STK24: variants seen among roughly 807,000 people sequenced by gnomAD.
STK24 encodes the protein serine/threonine kinase 24.
STK24 carries 21 observed loss-of-function variants against 55.6 expected under a neutral mutation model. The observed-to-expected ratio is 0.38, with a 90% confidence interval of 0.27 to 0.54. STK24 has a LOEUF of 0.54. Among genes scored for constraint, STK24 ranks in the 20% least tolerant of loss-of-function variants. STK24 has a pLI of 0.79. For missense variants in STK24, 383 were observed against 538.4 expected, an observed-to-expected ratio of 0.71 and a Z score of 2.86; for synonymous variants, 200 against 215.2, an observed-to-expected ratio of 0.93 and a Z score of 0.62.
At chr13:98,524,919 A>G (rs1896379531) in intron 1 of STK24, among the ~76,000 whole-genome samples, 1 of 152,246 alleles carries the variant, frequency 6.6e-6, no homozygotes, top group Non-Finnish European at 1.5e-5. Flanking sequence ...CTGCTCAAGC[A>G]CGGCGACTTT....
At chr13:98,456,709 G>C (rs561767070) in intron 10 of STK24, 20 of 371,208 alleles carry the variant, frequency 5.4e-5, no homozygotes, top group South Asian at 3.4e-4. Flanking sequence ...GAGGCTTCCA[G>C]ACATGACACA....
intron 1 of STK24, among the ~76,000 whole-genome samples, chr13:98,542,064 A>C (rs1370506745): frequency 6.6e-6 from 1 of 152,198 alleles, no homozygotes; most frequent in Non-Finnish European, 1.5e-5. Flanking sequence ...GTCCACTAGG[A>C]CTTTAACCAT....
At chr13:98,455,830 G>A (rs1431641301) in intron 10 of STK24, 4 of 152,228 alleles carry the variant, frequency 2.6e-5, no homozygotes, top group Non-Finnish European at 5.9e-5. Flanking sequence ...AGAGCAAAAT[G>A]CCCAACAAGA....
intron 7 of STK24, among the ~76,000 whole-genome samples, chr13:98,462,730 T>G (rs1343069919): frequency 6.6e-6 from 1 of 152,124 alleles, no homozygotes; most frequent in Non-Finnish European, 1.5e-5. Context: ...TCGGTGCCAC[T>G]TCACACTGGA....
At chr13:98,519,560 C>T (rs1953096378) in intron 1 of STK24, 87 bp from the exon 2 acceptor site, 5 of 1,031,652 alleles carry the variant, frequency 4.8e-6, no homozygotes, top group Non-Finnish European at 7.4e-6. Flanking sequence ...ATGTTATAGA[C>T]CACACTGTCT....
Position 98,446,668 on chromosome 13 carries a change from C to T in STK24, c.*6505G>A, listed in dbSNP as rs746393591. 3.1e-6 allele frequency: 5 copies of T among 1,614,102 alleles called. No individual in the cohort carries two copies. Among genetic ancestry groups the T allele is most frequent in the Non-Finnish European group, 4.2e-6 (5 of 1,179,996 alleles). ...TTTGCTTTGTTTCCCCTTTCCAGGA[C>T]AATCATCCCCTTGCCAGCCTGCCTC... On this transcript the variant is annotated 3_prime_UTR_variant, in exon 11 of 11. Coordinates refer to ENST00000539966, the MANE Select transcript of STK24 (RefSeq NM_001032296.4).
Position 98,448,367 on chromosome 13 carries a change from C to T in STK24, c.*4806G>A. 1 of 1,398,868 alleles carries T rather than the reference C, an allele frequency of 7.1e-7. No homozygotes were observed. Among genetic ancestry groups the T allele is most frequent in the Non-Finnish European group, 1.0e-6 (1 of 983,572 alleles). The allele number at this position is 1,398,868 out of a possible 1,614,324, so 86.7% of individuals were successfully genotyped here. On this transcript the variant is annotated 3_prime_UTR_variant, in exon 11 of 11. Transcript: ENST00000539966. ...GTGGCTGCTTTCCTGGAAGACGTTTCCTTTCTTCTGTATTAATGAAGCCTG... is the reference window on the plus strand; with the variant it reads ...GTGGCTGCTTTCCTGGAAGACGTTTTCTTTCTTCTGTATTAATGAAGCCTG...
At chr13:98,466,992 G>A (rs1893949471) in intron 5 of STK24, among the ~76,000 whole-genome samples, 1 of 152,174 alleles carries the variant, frequency 6.6e-6, no homozygotes, top group Non-Finnish European at 1.5e-5. Flanking sequence ...TACCTGGGTT[G>A]AAATGCCAGT....
intron 10 of STK24, chr13:98,454,649 C>T (rs1473188073): frequency 1.3e-5 from 2 of 152,136 alleles, no homozygotes; most frequent in East Asian, 1.9e-4. Context: ...AGAGGAGAGG[C>T]GGCTCTCATT....
intron 1 of STK24, among the ~76,000 whole-genome samples, chr13:98,529,125 G>T (rs1438192261): frequency 6.6e-6 from 1 of 152,084 alleles, no homozygotes; most frequent in Non-Finnish European, 1.5e-5. Context: ...GACCCATGCT[G>T]GTGGCTACCA....
intron 1 of STK24, among the ~76,000 whole-genome samples, chr13:98,554,369 G>C (rs1897235132): frequency 6.6e-6 from 1 of 152,086 alleles, no homozygotes; most frequent in African/African-American, 2.4e-5. Context: ...AATTACCTCT[G>C]ACTAAAACAG....
At chr13:98,512,728 T>C (rs1335593486) in intron 2 of STK24, among the ~76,000 whole-genome samples, 1 of 151,742 alleles carries the variant, frequency 6.6e-6, no homozygotes, top group Non-Finnish European at 1.5e-5. Flanking sequence ...GCAAAAAACA[T>C]GGGCAGGTGA....
At chr13:98,482,593 C>A (rs1894637720) in intron 2 of STK24, among the ~76,000 whole-genome samples, 1 of 152,204 alleles carries the variant, frequency 6.6e-6, no homozygotes, top group Non-Finnish European at 1.5e-5. Flanking sequence ...CCGACTGCCC[C>A]AGGATCTCAG....
At chr13:98,576,164 G>C (rs2139477617) in intron 1 of STK24, 1 of 985,272 alleles carries the variant, frequency 1.0e-6, no homozygotes, top group South Asian at 4.7e-5. Context: ...AGGTGCACGG[G>C]GGCTCCGGGC....
At chr13:98,537,683 C>A (rs542903614) in intron 1 of STK24, among the ~76,000 whole-genome samples, 1 of 152,064 alleles carries the variant, frequency 6.6e-6, no homozygotes, top group Admixed American at 6.5e-5. Flanking sequence ...GAGGAGGTGG[C>A]GATCTTTATA....
chr13:98,534,038 C>A (rs989073985), intron 1 of STK24, among the ~76,000 whole-genome samples: 2 of 152,244 alleles, frequency 1.3e-5, no homozygotes, highest in African/African-American at 4.8e-5. Context: ...CTGGTGCTAG[C>A]GGGCACCCCG....
At chr13:98,510,990 G>T (rs903146607) in intron 2 of STK24, among the ~76,000 whole-genome samples, 1 of 152,168 alleles carries the variant, frequency 6.6e-6, no homozygotes, top group African/African-American at 2.4e-5. Context: ...CCACACGGTA[G>T]TATTTTTTCC....
At chr13:98,553,895 C>T (rs1897218313) in intron 1 of STK24, 1 of 152,086 alleles carries the variant, frequency 6.6e-6, no homozygotes, top group African/African-American at 2.4e-5. Flanking sequence ...AACCTCACCT[C>T]TACTAAAAAT....
chr13:98,446,578 C>CAA lies in STK24; in HGVS notation c.*6593_*6594dup, dbSNP rs1892849185. ...CCGAGGAGGGAGCTGCCTGGGCTCC[C>CAA]AAGTCCCTGTCTGATGCGGGGCAGC... is the stretch of plus-strand genomic sequence containing the variant. On this transcript the variant is annotated 3_prime_UTR_variant, in exon 11 of 11. Coordinates refer to ENST00000539966, the MANE Select transcript of STK24 (RefSeq NM_001032296.4). 1 of 1,427,954 alleles carries CAA rather than the reference C, an allele frequency of 7.0e-7. No individual in the cohort carries two copies. Among genetic ancestry groups the CAA allele is most frequent in the Non-Finnish European group, 9.7e-7 (1 of 1,026,896 alleles). The allele number at this position is 1,427,954 out of a possible 1,614,324, so 88.5% of individuals were successfully genotyped here. A position where few individuals can be genotyped will look rare whatever the true frequency, so the allele number is the denominator to read the frequency against.
Sources: allele counts gnomAD v4.1 joint callset (sites outside exome capture counted in the v4.1 genomes callset), GRCh38; gene constraint gnomAD v4.1.1; transcripts MANE v1.5; gene names NCBI Gene and HGNC (gene_info 2026-07-23, HGNC 2026-07-21).